Variants in DHX8 observed in about 807,000 individuals in gnomAD.
The protein encoded by DHX8 is ATP-dependent RNA helicase DHX8.
DHX8 carries 67 observed loss-of-function variants against 140.7 expected under a neutral mutation model. The observed-to-expected ratio is 0.48, with a 90% CI of 0.39 to 0.58. The LOEUF (loss-of-function observed/expected upper bound fraction) is 0.58, where lower values mean the gene tolerates loss of function less well. Among genes scored for constraint, DHX8 ranks in the 20% least tolerant of loss-of-function variants. The pLI, the probability that DHX8 is intolerant of heterozygous loss-of-function variation, is 0.00. For synonymous variants in DHX8, 533 were observed against 553.2 expected (o/e 0.96, Z 0.51); for missense variants, 887 against 1,550.7 (o/e 0.57, Z 7.19).
chr17:43,529,820 T>G (rs572683993), downstream of DHX8: 1 of 1,602,766 alleles, frequency 6.2e-7, no homozygotes, highest in East Asian at 2.2e-5. Context: ...AAACGTGATG[T>G]GACTCCTGCA....
chr17:43,493,877 G>C lies in DHX8; in HGVS notation c.1203G>C (p.Glu401Asp). ...LTRISDPEKWEIKQMIAANVL... is the reference protein window; with the variant it reads ...LTRISDPEKWDIKQMIAANVL... ...GAATCTCTGACCCAGAGAAGTGGGA[G>C]ATCAAACAGGTTGGGGCCTTTAGTT... The change falls in exon 8 of 23, where the codon GAG (glutamate) becomes GAC (aspartate). Residue 401 changes from glutamate (E) to aspartate (D), a missense_variant. Around this residue, in one of 9 missense-constraint regions of DHX8, gnomAD observed 178 missense variants for 398.5 expected, o/e 0.45. Coordinates refer to ENST00000262415, the MANE Select transcript of DHX8 (RefSeq NM_004941.3). 6.2e-7 allele frequency: 1 copy of C among 1,614,222 alleles called. No homozygotes were observed. Among genetic ancestry groups the C allele is most frequent in the Non-Finnish European group, 8.5e-7 (1 of 1,180,034 alleles).
downstream of DHX8, among the ~76,000 whole-genome samples, chr17:43,530,771 A>G (rs1001273887): frequency 6.6e-6 from 1 of 152,068 alleles, no homozygotes; most frequent in Non-Finnish European, 1.5e-5. Context: ...CCCACTCCAC[A>G]TCGGGAAGGC....
chr17:43,530,297 A>C (rs1598194374), downstream of DHX8: 10 of 1,507,648 alleles, frequency 6.6e-6, no homozygotes, highest in East Asian at 2.5e-4. Context: ...CTTCCTGGTG[A>C]CTGTTCTTTG....
rs767735314 is a variant in DHX8, at chr17:43,493,453, G to T, written c.872G>T (p.Trp291Leu). Residue 291 changes from tryptophan to leucine, a missense_variant, in exon 7 of 23, where the codon TGG (tryptophan) becomes TTG (leucine). Around this residue, in one of 9 missense-constraint regions of DHX8, gnomAD observed 98 missense variants for 152.7 expected, o/e 0.64. Coordinates refer to ENST00000262415, the MANE Select transcript of DHX8 (RefSeq NM_004941.3). The part of the protein sequence containing the change: ...FVQLEGLRKR[W>L]EGLVHISELR... ...GTCTGGCTCTCCCTCAGGAAGCGGTGGGAAGGCCTGGTGCACATCTCTGAG... is the reference window on the plus strand; with the variant it reads ...GTCTGGCTCTCCCTCAGGAAGCGGTTGGAAGGCCTGGTGCACATCTCTGAG... 1 of 1,614,136 alleles carries T rather than the reference G, an allele frequency of 6.2e-7. No homozygotes were observed. The highest frequency in any genetic ancestry group is 8.5e-7 in the Non-Finnish European group (1 of 1,180,020).
intron 2 of DHX8, chr17:43,533,316 TTGA>T (rs771211118): frequency 1.2e-6 from 2 of 1,613,638 alleles, no homozygotes; most frequent in Non-Finnish European, 1.7e-6. Context: ...GGCAGGGGAC[TTGA>T]TGGCGATTTG....
chr17:43,504,760 C>G lies in DHX8; in HGVS notation c.1663C>G (p.Gln555Glu). ...CAAAGCCTCTTACGGAAAAAAGACC[C>G]AGATGTCAATCCTTGAGCAGAGGGA... ...GNKASYGKKT[Q>E]MSILEQRESL... Residue 555 changes from glutamine (Q) to glutamate (E), a missense_variant, in exon 12 of 23, where the codon CAG becomes GAG. Gln to Glu is a conservative substitution (Grantham distance 29, BLOSUM62 2). Transcript: ENST00000262415. 1 of 1,614,148 alleles carries G rather than the reference C, an allele frequency of 6.2e-7. No individual in the cohort carries two copies. Among genetic ancestry groups the G allele is most frequent in the Non-Finnish European group, 8.5e-7 (1 of 1,180,032 alleles).
At position 43,525,373 on chromosome 17, in the gene DHX8, C is replaced by T. The variant is rs1014925544; in HGVS notation, c.*1526C>T. The T allele has an allele frequency of 6.1e-6, 6 of 981,192 alleles. No individual in the cohort carries two copies. In the African/African-American group the frequency reaches 7.0e-5, roughly 11 times the overall value. 60.8% of individuals were successfully genotyped at this position (981,192 alleles called of 1,614,324 possible). A position where few individuals can be genotyped will look rare whatever the true frequency, so the allele number is the denominator to read the frequency against. On this transcript the variant is annotated 3_prime_UTR_variant, in exon 23 of 23. Transcript: ENST00000262415. ...TATGTTGTCACTGGGCAGCAAACCA[C>T]ACCCTAAAGACAATTCAGAAAGAGT...
intron 2 of DHX8, chr17:43,532,566 G>T: frequency 1.0e-6 from 1 of 999,982 alleles, no homozygotes; most frequent in South Asian, 1.7e-5. Flanking sequence ...TGGGTGGGTG[G>T]GTTGGATGTA....
chr17:43,511,456 A>ATTTTTT lies in DHX8; in HGVS notation c.2503-1892_2503-1887dup, dbSNP rs71160045. On this transcript the variant is annotated intron_variant, in intron 16 of 22. Coordinates refer to ENST00000262415, the MANE Select transcript of DHX8 (RefSeq NM_004941.3). ...AGTGGCTTATGCCTGTGATCCCAGC[A>ATTTTTT]TTTTTTTTTTTTTTTTTTTGAGACA... is the stretch of plus-strand genomic sequence containing the variant. Among the ~76,000 whole-genome samples the ATTTTTT allele has an allele frequency of 1.2e-4, 7 of 56,784 alleles. 2 individuals are homozygous for ATTTTTT. Among genetic ancestry groups the ATTTTTT allele is most frequent in the South Asian group, 1.7e-3 (2 of 1,180 alleles). The allele number at this position is 56,784 out of a possible 152,430, so 37.3% of individuals were successfully genotyped here.
rs1408831904 is a variant in DHX8, at chr17:43,484,197, G to C, written c.148+12G>C. 6.2e-7 allele frequency: 1 copy of C among 1,611,320 alleles called. No individual in the cohort carries two copies. The highest frequency in any genetic ancestry group is 2.2e-5 in the East Asian group (1 of 44,708). ...CGACAAGGACCTTGGTGAGCTCGGG[G>C]AGGTCCCTGGGACCTCAGTTTGGGA... is the stretch of plus-strand genomic sequence containing the variant. On this transcript the variant is annotated intron_variant, in intron 1 of 22. Coordinates refer to ENST00000262415, the MANE Select transcript of DHX8 (RefSeq NM_004941.3).
chr17:43,492,950 C>G lies in DHX8; in HGVS notation c.773C>G (p.Pro258Arg). 1 of 1,614,164 alleles carries G rather than the reference C, an allele frequency of 6.2e-7. No individual in the cohort carries two copies. The highest frequency in any genetic ancestry group is 8.5e-7 in the Non-Finnish European group (1 of 1,180,034). ...CGGGATAAGCATGTGGACCGCCCTC[C>G]TCCAGAAGAGCCCACCATTGGTGAC... ...RWRDKHVDRP[P>R]PEEPTIGDIY... is the part of the protein sequence containing the mutation. Residue 258 changes from proline to arginine, a missense_variant, in exon 6 of 23, where the codon CCT becomes CGT. This residue lies in a region of DHX8 where 304 missense variants were observed against 306.9 expected (regional missense o/e 0.99). Transcript: ENST00000262415.
intron 8 of DHX8, among the ~76,000 whole-genome samples, chr17:43,495,245 A>T (rs1968788480): frequency 2.6e-5 from 4 of 152,198 alleles, no homozygotes; most frequent in Admixed American, 2.6e-4. Context: ...GAGGAGACAG[A>T]TCTAAACAAA....
intron 3 of DHX8, 61 bp downstream of exon 3, chr17:43,490,524 A>G (rs1250482179): frequency 1.5e-6 from 2 of 1,369,964 alleles, no homozygotes; most frequent in African/African-American, 1.5e-5. Context: ...AACATCCTGT[A>G]AATTGCATTT....
At position 43,492,914 on chromosome 17, in the gene DHX8, T is replaced by A; in HGVS notation, c.737T>A (p.Leu246Gln). Residue 246 changes from leucine (L) to glutamine (Q), a missense_variant, in exon 6 of 23, where the codon CTG becomes CAG. By Grantham distance (113) the Leu-to-Gln change is moderately radical (BLOSUM62 -2). This residue lies in a region of DHX8 where 304 missense variants were observed against 306.9 expected (regional missense o/e 0.99). Transcript: ENST00000262415. ...KDRDKYGERN[L>Q]DRWRDKHVDR... is the part of the protein sequence containing the mutation. ...CGGGACAAATATGGAGAGCGGAATC[T>A]GGATAGATGGCGGGATAAGCATGTG... is the stretch of plus-strand genomic sequence containing the variant. The A allele has an allele frequency of 6.2e-7, 1 of 1,614,210 alleles. No individual in the cohort carries two copies. The highest frequency in any genetic ancestry group is 8.5e-7 in the Non-Finnish European group (1 of 1,180,032).
downstream of DHX8, chr17:43,528,807 G>T: frequency 1.5e-6 from 2 of 1,330,044 alleles, no homozygotes; most frequent in Admixed American, 1.9e-5. Flanking sequence ...GGGGTAAGGT[G>T]GGGGAGTGGG....
intron 16 of DHX8, 83 bp downstream of exon 16, chr17:43,508,603 A>T: frequency 6.2e-5 from 50 of 802,788 alleles, no homozygotes; most frequent in Non-Finnish European, 8.4e-5. Context: ...GGGATTGCTT[A>T]GGGTGTATGC....
chr17:43,536,572 A>C, intron 3 of DHX8: 2 of 1,089,474 alleles, frequency 1.8e-6, no homozygotes, highest in Non-Finnish European at 2.8e-6. Context: ...AGCAACAGCC[A>C]AGAAAGGACC....
At chr17:43,530,103 T>C, downstream of DHX8, 1 of 1,596,194 alleles carries the variant, frequency 6.3e-7, no homozygotes, top group Non-Finnish European at 8.5e-7. Context: ...GGGGGCTGCC[T>C]TACCCATGGC....
intron 3 of DHX8, among the ~76,000 whole-genome samples, chr17:43,542,956 G>T (rs1170200223): frequency 6.6e-6 from 1 of 152,178 alleles, no homozygotes; most frequent in Non-Finnish European, 1.5e-5. Context: ...CCCATGGGTT[G>T]CCGGGGTCAC....
Sources: allele counts gnomAD v4.1 joint callset (sites outside exome capture counted in the v4.1 genomes callset), GRCh38; gene constraint gnomAD v4.1.1; regional missense constraint gnomAD v4.1.1; transcripts MANE v1.5; gene names NCBI Gene and HGNC (gene_info 2026-07-23, HGNC 2026-07-21).